Variants in RALGAPA1 observed in about 807,000 individuals in gnomAD.
RALGAPA1 encodes ral GTPase-activating protein subunit alpha-1.
RALGAPA1 carries 52 observed loss-of-function variants against 269.6 expected under a neutral mutation model. The observed-to-expected ratio is 0.19, with a 90% CI of 0.15 to 0.24. The LOEUF (loss-of-function observed/expected upper bound fraction) is 0.24. Among genes scored for constraint, RALGAPA1 ranks in the 10% least tolerant of loss-of-function variants. The pLI is 1.00. For synonymous variants in RALGAPA1, 817 were observed against 1,008.3 expected, an observed-to-expected ratio of 0.81 and a Z score of 3.60; for missense variants, 1,917 against 3,013.9, an observed-to-expected ratio of 0.64 and a Z score of 8.52.
intron 26 of RALGAPA1, among the ~76,000 whole-genome samples, chr14:35,666,969 G>C (rs917734473): frequency 6.6e-6 from 1 of 152,138 alleles, no homozygotes; most frequent in Admixed American, 6.5e-5. Context: ...GAGATTTATA[G>C]TCTAAGTACT....
chr14:35,540,101 AG>A (rs2053828770), intron 41 of RALGAPA1, among the ~76,000 whole-genome samples: 1 of 152,224 alleles, frequency 6.6e-6, no homozygotes, highest in South Asian at 2.1e-4. Flanking sequence ...CTTGAAAAAC[AG>A]CACCAAACAG....
intron 31 of RALGAPA1, among the ~76,000 whole-genome samples, chr14:35,644,344 A>G (rs964845191): frequency 2.6e-5 from 4 of 152,218 alleles, no homozygotes; most frequent in Non-Finnish European, 4.4e-5. Flanking sequence ...TCATTTGTGA[A>G]AAAACAATCA....
chr14:35,710,153 A>G (rs1318084059), intron 16 of RALGAPA1, among the ~76,000 whole-genome samples: 2 of 152,206 alleles, frequency 1.3e-5, no homozygotes, highest in South Asian at 4.1e-4. Context: ...CAGTACCACT[A>G]CTTCTTCTAT....
intron 3 of RALGAPA1, among the ~76,000 whole-genome samples, chr14:35,771,256 TG>T (rs2074594695): frequency 6.6e-6 from 1 of 151,968 alleles, no homozygotes; most frequent in South Asian, 2.1e-4. Flanking sequence ...TAGCCAAGTG[TG>T]GTGGCAGGCG....
intron 28 of RALGAPA1, among the ~76,000 whole-genome samples, chr14:35,656,756 A>C (rs2063200163): frequency 6.6e-6 from 1 of 152,208 alleles, no homozygotes; most frequent in Non-Finnish European, 1.5e-5. Context: ...TTCAGTCTAG[A>C]GTGTTAAGGC....
intron 21 of RALGAPA1, 123 bp from the exon 22 acceptor site, chr14:35,678,225 G>A (rs1273890658): frequency 1.2e-6 from 1 of 855,546 alleles, no homozygotes; most frequent in Non-Finnish European, 1.7e-6. Flanking sequence ...TTATAAACTG[G>A]CCAGGGAGGT....
chr14:35,734,581 G>A (rs59293627), intron 12 of RALGAPA1, among the ~76,000 whole-genome samples: 2,774 of 152,154 alleles, frequency 0.018, 83 homozygotes, highest in African/African-American at 0.063. Flanking sequence ...TTAAATCTAA[G>A]ACCTGAAACA....
At chr14:35,703,012 A>G (rs1727895293) in intron 16 of RALGAPA1, among the ~76,000 whole-genome samples, 1 of 152,168 alleles carries the variant, frequency 6.6e-6, no homozygotes, top group African/African-American at 2.4e-5. Context: ...ATAAATTATA[A>G]GTTTTTCTTT....
chr14:35,766,232 C>G lies in RALGAPA1; in HGVS notation c.326-3479G>C, dbSNP rs145946540. 218 of 808,378 alleles carry G rather than the reference C, an allele frequency of 2.7e-4. 3 individuals carry two copies. In the Middle Eastern group the frequency reaches 2.8e-3, roughly 10 times the overall value. The allele number at this position is 808,378 out of a possible 1,614,324, so 50.1% of individuals were successfully genotyped here. On this transcript the variant is annotated intron_variant, in intron 4 of 41. Coordinates refer to ENST00000680220, the MANE Select transcript of RALGAPA1 (RefSeq NM_001346249.2). Reference sequence around the variant, plus strand: ...AGGATTTGATGGAAGTGCAAGGAATCTTAACCAGATGTGTGGATGATGCAG... The same window carrying G: ...AGGATTTGATGGAAGTGCAAGGAATGTTAACCAGATGTGTGGATGATGCAG...
chr14:35,672,287 C>A (rs2064528234), intron 25 of RALGAPA1, among the ~76,000 whole-genome samples: 1 of 152,116 alleles, frequency 6.6e-6, no homozygotes, highest in African/African-American at 2.4e-5. Context: ...TTACATTATT[C>A]TGACTTGCAA....
chr14:35,783,479 T>C (rs996803668), intron 1 of RALGAPA1, among the ~76,000 whole-genome samples: 1 of 152,054 alleles, frequency 6.6e-6, no homozygotes, highest in Non-Finnish European at 1.5e-5. Context: ...ACTAAAATTA[T>C]AAAACTCAGA....
At chr14:35,711,502 C>T (rs897465675) in intron 16 of RALGAPA1, among the ~76,000 whole-genome samples, 1 of 152,184 alleles carries the variant, frequency 6.6e-6, no homozygotes, top group Admixed American at 6.5e-5. Flanking sequence ...AGTGGGAGTG[C>T]GGTGGCATAA....
At chr14:35,748,479 A>G in intron 10 of RALGAPA1, 106 bp downstream of exon 10, 1 of 1,340,706 alleles carries the variant, frequency 7.5e-7, no homozygotes. Context: ...CTCCTGAACA[A>G]CTACAACTAA....
At chr14:35,696,836 G>C (rs2066940710) in intron 17 of RALGAPA1, among the ~76,000 whole-genome samples, 1 of 152,066 alleles carries the variant, frequency 6.6e-6, no homozygotes, top group Non-Finnish European at 1.5e-5. Context: ...TAATTCACAT[G>C]AGGGAGAGCT....
intron 4 of RALGAPA1, among the ~76,000 whole-genome samples, chr14:35,763,797 G>T (rs922254659): frequency 3.0e-4 from 45 of 151,776 alleles, no homozygotes; most frequent in African/African-American, 5.3e-4. Flanking sequence ...TATATATAGA[G>T]AGAGAGAGAG....
chr14:35,668,544 C>A (rs759612275), intron 26 of RALGAPA1, among the ~76,000 whole-genome samples: 1 of 151,734 alleles, frequency 6.6e-6, no homozygotes, highest in Non-Finnish European at 1.5e-5. Context: ...GTAATCCCAG[C>A]ACCTTACAAG....
At chr14:35,681,657 AT>A (rs796698124) in intron 21 of RALGAPA1, among the ~76,000 whole-genome samples, 7 of 151,994 alleles carry the variant, frequency 4.6e-5, no homozygotes, top group Non-Finnish European at 7.4e-5. Context: ...TAAAGCCTAC[AT>A]TTTTTTTAAA....
intron 16 of RALGAPA1, among the ~76,000 whole-genome samples, chr14:35,711,182 A>T (rs1451491842): frequency 6.6e-6 from 1 of 152,180 alleles, no homozygotes; most frequent in Non-Finnish European, 1.5e-5. Flanking sequence ...ATCTGTTGAG[A>T]CAGTCTTTGT....
intron 10 of RALGAPA1, 87 bp from the exon 11 acceptor site, chr14:35,742,652 T>C (rs2071672072): frequency 1.1e-6 from 1 of 937,596 alleles, no homozygotes; most frequent in East Asian, 2.5e-5. Flanking sequence ...CATCACATCA[T>C]AGATTCTTGG....
Sources: allele counts gnomAD v4.1 joint callset (sites outside exome capture counted in the v4.1 genomes callset), GRCh38; gene constraint gnomAD v4.1.1; transcripts MANE v1.5; gene names NCBI Gene and HGNC (gene_info 2026-07-23, HGNC 2026-07-21).